Variants in SLC35D4 observed in about 807,000 individuals in gnomAD.
SLC35D4 encodes the protein solute carrier family 35 member D4, also known as UDP-N-acetylglucosamine transporter SLC35D4.
chr18:23,282,427 GATTC>G, the SLC35D4 span, among the ~76,000 whole-genome samples: 1 of 152,232 alleles, frequency 6.6e-6, no homozygotes, highest in African/African-American at 2.4e-5. Flanking sequence ...CAGGAGCAAA[GATTC>G]GCTCGGCTCA....
the SLC35D4 span, among the ~76,000 whole-genome samples, chr18:23,306,788 A>G: frequency 6.6e-6 from 1 of 152,238 alleles, no homozygotes; most frequent in Non-Finnish European, 1.5e-5. Context: ...AGGAACTAGA[A>G]TAGAAATAAG....
the SLC35D4 span, among the ~76,000 whole-genome samples, chr18:23,428,204 G>C: frequency 1.3e-5 from 1 of 74,250 alleles, no homozygotes; most frequent in Non-Finnish European, 3.3e-5. Flanking sequence ...AAATTAATAA[G>C]AAAAACACTA....
chr18:23,410,243 G>A, the SLC35D4 span, among the ~76,000 whole-genome samples: 5 of 152,304 alleles, frequency 3.3e-5, no homozygotes, highest in African/African-American at 9.6e-5. Context: ...CACTTTGGGA[G>A]GCCGAGGTGG....
the SLC35D4 span, among the ~76,000 whole-genome samples, chr18:23,339,294 G>A: frequency 6.6e-6 from 1 of 152,324 alleles, no homozygotes; most frequent in Non-Finnish European, 1.5e-5. Flanking sequence ...AGAGAAGGTG[G>A]AATTTGGAGA....
the SLC35D4 span, among the ~76,000 whole-genome samples, chr18:23,377,995 T>C: frequency 6.6e-6 from 1 of 151,924 alleles, no homozygotes; most frequent in Non-Finnish European, 1.5e-5. Flanking sequence ...AGATGTAACC[T>C]GTATTTTAAA....
the SLC35D4 span, chr18:23,368,886 GTATT>G: frequency 1.7e-6 from 1 of 573,292 alleles, no homozygotes; most frequent in African/African-American, 1.9e-5. Context: ...AGAGGGAAAA[GTATT>G]TAATATTCAA....
the SLC35D4 span, among the ~76,000 whole-genome samples, chr18:23,269,229 T>C: frequency 6.6e-6 from 1 of 152,190 alleles, no homozygotes; most frequent in African/African-American, 2.4e-5. Flanking sequence ...CAGTGGGAGA[T>C]AATTGAATCA....
At chr18:23,330,992 A>C in the SLC35D4 span, 1 of 152,124 alleles carries the variant, frequency 6.6e-6, no homozygotes. Flanking sequence ...CATCTCTACA[A>C]AAAAATTGAA....
the SLC35D4 span, among the ~76,000 whole-genome samples, chr18:23,419,511 C>T: frequency 6.6e-6 from 1 of 152,024 alleles, no homozygotes; most frequent in African/African-American, 2.4e-5. Flanking sequence ...AGGCTGGTCT[C>T]GAACTCCTGA....
At chr18:23,403,666 A>G in the SLC35D4 span, among the ~76,000 whole-genome samples, 1 of 152,242 alleles carries the variant, frequency 6.6e-6, no homozygotes, top group East Asian at 1.9e-4. Context: ...GCATTAAGAC[A>G]GGAAAAAGTT....
At chr18:23,251,919 C>G in the SLC35D4 span, among the ~76,000 whole-genome samples, 1 of 152,052 alleles carries the variant, frequency 6.6e-6, no homozygotes, top group Non-Finnish European at 1.5e-5. Context: ...AACTCAGTCT[C>G]TCTTAAAAAT....
the SLC35D4 span, among the ~76,000 whole-genome samples, chr18:23,277,911 C>T: frequency 2.0e-5 from 3 of 152,128 alleles, no homozygotes; most frequent in Admixed American, 6.6e-5. Context: ...AGATGGAGTC[C>T]TCATCAAAGC....
At chr18:23,306,526 G>A in the SLC35D4 span, among the ~76,000 whole-genome samples, 4 of 152,062 alleles carry the variant, frequency 2.6e-5, no homozygotes, top group African/African-American at 7.2e-5. Flanking sequence ...GGCTGGTCTC[G>A]AACTCCCGAC....
chr18:23,428,283 A>G, the SLC35D4 span, among the ~76,000 whole-genome samples: 1 of 152,218 alleles, frequency 6.6e-6, no homozygotes, highest in African/African-American at 2.4e-5. Context: ...ATACAAGTGG[A>G]TCATATGCAT....
chr18:23,324,729 A>C, the SLC35D4 span, among the ~76,000 whole-genome samples: 1 of 152,288 alleles, frequency 6.6e-6, no homozygotes, highest in South Asian at 2.1e-4. Context: ...CTCAGGAATT[A>C]CCAGGGGAGG....
At chr18:23,279,084 C>T in the SLC35D4 span, among the ~76,000 whole-genome samples, 3 of 152,070 alleles carry the variant, frequency 2.0e-5, no homozygotes, top group East Asian at 5.8e-4. Context: ...GCTGATCTGG[C>T]AGTGCCTTTG....
chr18:23,408,810 A>ATC, the SLC35D4 span, among the ~76,000 whole-genome samples: 1 of 136,940 alleles, frequency 7.3e-6, no homozygotes, highest in Non-Finnish European at 1.6e-5. Context: ...TCTATATCTT[A>ATC]TCTCTCTTTT....
At chr18:23,255,322 T>C in the SLC35D4 span, among the ~76,000 whole-genome samples, 3 of 83,598 alleles carry the variant, frequency 3.6e-5, no homozygotes, top group African/African-American at 1.8e-4. Flanking sequence ...AGTGCCCCCA[T>C]ATGTCTCACT....
the SLC35D4 span, chr18:23,376,750 G>A: frequency 2.2e-6 from 1 of 455,088 alleles, no homozygotes; most frequent in Non-Finnish European, 4.4e-6. Context: ...ACAACCTCTT[G>A]GAACTGTGGA....
Sources: gnomAD v4.1 joint callset for allele counts (sites outside exome capture counted in the v4.1 genomes callset) on GRCh38, gnomAD v4.1.1 for gene constraint, MANE v1.5 for transcripts, NCBI Gene and HGNC (gene_info 2026-07-23, HGNC 2026-07-21) for gene names.